The following AATK variants were observed in gnomAD, a reference collection of about 807,000 sequenced individuals.
AATK encodes serine/threonine-protein kinase LMTK1.
A neutral mutation model predicts 114.3 loss-of-function variants in AATK; 91 were observed. The observed-to-expected ratio is 0.80, with a 90% CI of 0.67 to 0.95. AATK has a LOEUF of 0.95. Ranked by LOEUF, AATK falls within the 40% of genes least tolerant of loss-of-function variation. The probability of loss-of-function intolerance (pLI) is 0.00; values close to 1 mark genes in which losing one functional copy is unlikely to be tolerated. For synonymous variants in AATK, 1,075 were observed against 916.5 expected (o/e 1.17, Z -3.12); for missense variants, 2,176 against 1,965.2 (o/e 1.11, Z -2.03).
rs780911896 is a variant in AATK, at chr17:81,121,307, C to T, written c.2629G>A (p.Asp877Asn). 1.7e-5 allele frequency: 28 copies of T among 1,611,914 alleles called. No individual in the cohort carries two copies. Among genetic ancestry groups the T allele is most frequent in the East Asian group, 4.5e-5 (2 of 44,858 alleles). ...TCCGGCCTCCTGGCCTGCAGGCCGTCGCTGGACGTGTCGGTGAAGATGCCT... is the reference window on the plus strand; with the variant it reads ...TCCGGCCTCCTGGCCTGCAGGCCGTTGCTGGACGTGTCGGTGAAGATGCCT... ...TSGIFTDTSS[D>N]GLQARRPDVV... Residue 877 changes from aspartate to asparagine, a missense_variant, in exon 11 of 14, where the codon GAC becomes AAC. This residue lies in a region of AATK where 1,701 missense variants were observed against 1,394.7 expected (regional missense o/e 1.22). Coordinates refer to ENST00000326724, the MANE Select transcript of AATK (RefSeq NM_001080395.3).
Position 81,130,983 on chromosome 17 carries a change from G to A in AATK, c.334+78C>T, listed in dbSNP as rs189244303. The A allele has an allele frequency of 9.9e-5, 147 of 1,485,964 alleles. No individual in the cohort carries two copies. In the East Asian group the frequency reaches 3.1e-3, roughly 31 times the overall value. The allele number at this position is 1,485,964 out of a possible 1,614,324, so 92.0% of individuals were successfully genotyped here. A position where few individuals can be genotyped will look rare whatever the true frequency, so the allele number is the denominator to read the frequency against. Reference sequence around the variant, plus strand: ...CCCCCACTCCAGAGCTGAGTCTTCCGGTCTCCCCAGATCACACCCAACGCC... The same window carrying A: ...CCCCCACTCCAGAGCTGAGTCTTCCAGTCTCCCCAGATCACACCCAACGCC... On this transcript the variant is annotated intron_variant, in intron 3 of 13. Coordinates refer to ENST00000326724, the MANE Select transcript of AATK (RefSeq NM_001080395.3).
Position 81,132,506 on chromosome 17 carries a change from T to C in AATK, c.190-1301A>G, listed in dbSNP as rs577990005. On this transcript the variant is annotated intron_variant, in intron 2 of 13. Coordinates refer to ENST00000326724, the MANE Select transcript of AATK (RefSeq NM_001080395.3). ...CAGGTGCTGCGTGGGCAACTTCCCCTCCCCGGGACCCAGAAGACCACCCCA... is the reference window on the plus strand; with the variant it reads ...CAGGTGCTGCGTGGGCAACTTCCCCCCCCCGGGACCCAGAAGACCACCCCA... 3.4e-3 allele frequency: 575 copies of C among 168,354 alleles called. 5 individuals are homozygous for C. The highest frequency in any genetic ancestry group is 0.013 in the African/African-American group (525 of 41,706). The allele number at this position is 168,354 out of a possible 1,614,324, so 10.4% of individuals were successfully genotyped here. A position where few individuals can be genotyped will look rare whatever the true frequency, so the allele number is the denominator to read the frequency against.
At chr17:81,122,911 C>T in intron 10 of AATK, 88 bp from the exon 11 acceptor site, 1 of 1,239,360 alleles carries the variant, frequency 8.1e-7, no homozygotes, top group African/African-American at 1.6e-5. Context: ...CCCCTAACTC[C>T]CAGTGTCTTG....
intron 3 of AATK, among the ~76,000 whole-genome samples, chr17:81,130,780 C>G (rs2060918771): frequency 6.6e-6 from 1 of 152,106 alleles, no homozygotes; most frequent in Non-Finnish European, 1.5e-5. Flanking sequence ...GCCCCTTGGG[C>G]AGGGGAGGCT....
intron 1 of AATK, among the ~76,000 whole-genome samples, chr17:81,145,966 T>G (rs569830806): frequency 1.3e-5 from 2 of 151,732 alleles, no homozygotes; most frequent in African/African-American, 4.8e-5. Flanking sequence ...GGCAGGCGGA[T>G]CACTCGAGGT....
intron 1 of AATK, among the ~76,000 whole-genome samples, chr17:81,162,363 AGAG>A (rs1364141241): frequency 1.3e-5 from 2 of 152,068 alleles, no homozygotes; most frequent in African/African-American, 4.8e-5. Flanking sequence ...CCCGGGGGCG[AGAG>A]GAGGACAGGT....
intron 11 of AATK, 27 bp downstream of exon 11, chr17:81,120,174 G>A (rs1210464215): frequency 1.9e-6 from 3 of 1,545,520 alleles, no homozygotes; most frequent in Non-Finnish European, 2.6e-6. Flanking sequence ...CCCAGCCCCG[G>A]GCAGACCCCG....
Position 81,122,747 on chromosome 17 carries a change from A to G in AATK, c.1189T>C (p.Tyr397His), listed in dbSNP as rs2060715881. The change falls in exon 11 of 14, where the codon TAC (tyrosine) becomes CAC (histidine). Residue 397 changes from tyrosine (Y) to histidine (H), a missense_variant. By Grantham distance (83) the Tyr-to-His change is moderately conservative. Around this residue, in one of 4 missense-constraint regions of AATK, gnomAD observed 273 missense variants for 344.1 expected, o/e 0.79. Transcript: ENST00000326724. Reference sequence around the variant, plus strand: ...TCGGTGGCGCCCTTGGCACACAGGTAGGACAGCAGCAGGTGCACCTCCTCG... The same window carrying G: ...TCGGTGGCGCCCTTGGCACACAGGTGGGACAGCAGCAGGTGCACCTCCTCG... ...TAEEVHLLLS[Y>H]LCAKGATEAE... 1 of 1,599,572 alleles carries G rather than the reference A, an allele frequency of 6.3e-7. No homozygotes were observed. The highest frequency in any genetic ancestry group is 8.5e-7 in the Non-Finnish European group (1 of 1,173,912).
intron 1 of AATK, among the ~76,000 whole-genome samples, chr17:81,141,600 C>T (rs935126553): frequency 4.6e-5 from 7 of 152,248 alleles, no homozygotes; most frequent in Admixed American, 3.3e-4. Flanking sequence ...TGTCTGCCCC[C>T]AACCCCTGTG....
chr17:81,158,758 C>G (rs1038051279), intron 1 of AATK, among the ~76,000 whole-genome samples: 1 of 152,208 alleles, frequency 6.6e-6, no homozygotes, highest in Non-Finnish European at 1.5e-5. Context: ...ACAAGACCAC[C>G]ATGGGCAGCC....
rs913669837 is a variant in AATK at position 81,152,308 on chromosome 17, G to A, written c.55+13630C>T. Among the ~76,000 whole-genome samples the A allele has an allele frequency of 5.3e-5, 8 of 152,090 alleles. No homozygotes were observed. The East Asian group carries it at 9.6e-4, about 18-fold the overall frequency. On this transcript the variant is annotated intron_variant, in intron 1 of 13. Coordinates refer to ENST00000326724, the MANE Select transcript of AATK (RefSeq NM_001080395.3). ...AATAAAAATAAAAAATCCTTTGGCC[G>A]GGAGTGGTGGCTCACACCTGTAATC... is the stretch of plus-strand genomic sequence containing the variant.
chr17:81,120,727 C>A lies in AATK; in HGVS notation c.3209G>T (p.Ser1070Ile). 6.4e-7 allele frequency: 1 copy of A among 1,562,950 alleles called. No homozygotes were observed. Among genetic ancestry groups the A allele is most frequent in the Non-Finnish European group, 8.7e-7 (1 of 1,153,112 alleles). The change falls in exon 11 of 14, where the codon AGC becomes ATC. Residue 1070 changes from serine to isoleucine, a missense_variant. Physicochemically the swap from Ser to Ile is moderately radical, Grantham distance 142. Coordinates refer to ENST00000326724, the MANE Select transcript of AATK (RefSeq NM_001080395.3). ...TGGGACCAGGCCCGAGGGGCAGGTG[C>A]TGGGCTCTGGGGAGGACCCTTCAAG... ...LQLEGSSPEP[S>I]TCPSGLVPEP...
chr17:81,131,115 C>T lies in AATK; in HGVS notation c.280G>A (p.Val94Ile), dbSNP rs868552785. The T allele has an allele frequency of 4.5e-6, 7 of 1,560,886 alleles. No homozygotes were observed. Among genetic ancestry groups the T allele is most frequent in the Middle Eastern group, 1.7e-4 (1 of 6,032 alleles). The change falls in exon 3 of 14, where the codon GTC becomes ATC. Residue 94 changes from valine to isoleucine, a missense_variant. Physicochemically the swap from Val to Ile is conservative, Grantham distance 29. Transcript: ENST00000326724. Reference protein sequence around the residue: ...TAAQNGPDVYVLPLTEVSLPM... With the variant: ...TAAQNGPDVYILPLTEVSLPM... Reference sequence around the variant, plus strand: ...AAGGAGACCTCCGTGAGTGGCAGGACGTACACGTCGGGCCCGTTCTGTGCT... The same window carrying T: ...AAGGAGACCTCCGTGAGTGGCAGGATGTACACGTCGGGCCCGTTCTGTGCT...
chr17:81,162,751 C>G (rs1297442962), intron 1 of AATK, among the ~76,000 whole-genome samples: 2 of 152,216 alleles, frequency 1.3e-5, no homozygotes, highest in Non-Finnish European at 2.9e-5. Flanking sequence ...AGGAACCCCC[C>G]ATGGCGCCTG....
In AATK at chr17:81,156,759, A is replaced by G. The variant is rs114120925; in HGVS notation, c.55+9179T>C. The stretch of plus-strand genomic sequence containing the variant: ...CCTGAATTCGGTTTTTGGAATTTTG[A>G]CCTTTTGGGATTTCCACACTCAGGA... On this transcript the variant is annotated intron_variant, in intron 1 of 13. Coordinates refer to ENST00000326724, the MANE Select transcript of AATK (RefSeq NM_001080395.3). Among the ~76,000 whole-genome samples, 1,029 of 152,214 alleles carry G rather than the reference A, an allele frequency of 6.8e-3. 18 individuals are homozygous for G. The highest frequency in any genetic ancestry group is 0.024 in the African/African-American group (990 of 41,540).
intron 1 of AATK, among the ~76,000 whole-genome samples, chr17:81,145,969 C>G (rs536987633): frequency 1.3e-5 from 2 of 151,992 alleles, no homozygotes; most frequent in East Asian, 3.9e-4. Context: ...AGGCGGATCA[C>G]TCGAGGTGAG....
chr17:81,118,547 C>T, intron 13 of AATK, 105 bp from the exon 14 acceptor site: 2 of 1,205,684 alleles, frequency 1.7e-6, no homozygotes, highest in Non-Finnish European at 2.4e-6. Flanking sequence ...ACAGGCCGGG[C>T]CCCTTCCCTG....
chr17:81,118,796 C>A (rs1443142423), intron 13 of AATK, among the ~76,000 whole-genome samples: 1 of 152,216 alleles, frequency 6.6e-6, no homozygotes, highest in Admixed American at 6.5e-5. Flanking sequence ...GCCCTTCCCC[C>A]AGGGCTGCAG....
chr17:81,123,448 G>T, intron 9 of AATK, 105 bp from the exon 10 acceptor site: 1 of 1,091,350 alleles, frequency 9.2e-7, no homozygotes, highest in Non-Finnish European at 1.2e-6. Flanking sequence ...CATCACGCCA[G>T]TGCCTCAGGA....
Sources: allele counts gnomAD v4.1 joint callset (sites outside exome capture counted in the v4.1 genomes callset), GRCh38; gene constraint gnomAD v4.1.1; regional missense constraint gnomAD v4.1.1; transcripts MANE v1.5; gene names NCBI Gene and HGNC (gene_info 2026-07-23, HGNC 2026-07-21).